The following RNASEH2A variants were observed in gnomAD, a reference collection of about 807,000 sequenced individuals.
RNASEH2A encodes ribonuclease H2 subunit A, also known as RNase H(35).
RNASEH2A carries 30 observed loss-of-function variants against 32.7 expected under a neutral mutation model. The ratio of observed to expected loss-of-function variants is 0.92; its 90% confidence interval spans 0.69 to 1.25. The LOEUF (loss-of-function observed/expected upper bound fraction) is 1.25, where lower values mean the gene tolerates loss of function less well. Ranked by LOEUF, RNASEH2A falls within the 50% of genes most tolerant of loss-of-function variation. RNASEH2A has a pLI of 0.00. For synonymous variants in RNASEH2A, 147 were observed against 165.4 expected, an observed-to-expected ratio of 0.89 and a Z score of 0.86; for missense variants, 409 against 398.1, an observed-to-expected ratio of 1.03 and a Z score of -0.23.
In RNASEH2A at chr19:12,813,080, C is replaced by T. The variant is rs780614048; in HGVS notation, c.638-3C>T. The T allele has an allele frequency of 5.0e-6, 8 of 1,613,980 alleles. No individual in the cohort carries two copies. In the African/African-American group the frequency reaches 8.0e-5, roughly 16 times the overall value. ...ACTGTCACCATTGCCCACCCTACCC[C>T]AGATCCCAAGACAAAAGCGTGGTTG... is the stretch of plus-strand genomic sequence containing the variant. On this transcript the variant is annotated splice_polypyrimidine_tract_variant and splice_region_variant and intron_variant, in intron 6 of 7. Transcript: ENST00000221486.
chr19:12,806,605 G>A lies in RNASEH2A; in HGVS notation c.-69G>A, dbSNP rs1968991813. ...AAGCAGGCGCCGCTTCGAGGCCCGC[G>A]GAAAACGCGCGCCGAGACCCGCTCC... On this transcript the variant is annotated 5_prime_UTR_variant, in exon 1 of 8. Transcript: ENST00000221486. The A allele has an allele frequency of 6.5e-6, 10 of 1,548,776 alleles. No individual in the cohort carries two copies. The highest frequency in any genetic ancestry group is 4.8e-5 in the South Asian group (4 of 84,020).
chr19:12,807,528 C>G (rs771982487), intron 4 of RNASEH2A, 22 bp downstream of exon 4: 1 of 1,594,720 alleles, frequency 6.3e-7, no homozygotes, highest in South Asian at 1.1e-5. Context: ...GTAAGTTGTC[C>G]CCATTTGGTC....
chr19:12,807,570 T>A, intron 4 of RNASEH2A, 64 bp downstream of exon 4: 1 of 1,324,314 alleles, frequency 7.6e-7, no homozygotes, highest in South Asian at 1.2e-5. Context: ...AAAACAGGAG[T>A]TCGAGACTGC....
At chr19:12,809,589 T>C (rs1227390761) in intron 4 of RNASEH2A, among the ~76,000 whole-genome samples, 19 of 152,166 alleles carry the variant, frequency 1.2e-4, no homozygotes, top group Admixed American at 1.2e-3. Flanking sequence ...ATCCTCCCAC[T>C]TCGGCTTCCT....
Position 12,807,346 on chromosome 19 carries a change from AG to A in RNASEH2A, c.323+21del. On this transcript the variant is annotated intron_variant, in intron 3 of 7. Transcript: ENST00000221486. ...GCTTGGGCGGTGAGGGGTCCCCGGG[AG>A]GGGCAGCCAGCATGGGCTGACCAAG... 6.2e-7 allele frequency: 1 copy of A among 1,614,100 alleles called. No individual in the cohort carries two copies. Among genetic ancestry groups the A allele is most frequent in the African/African-American group, 1.3e-5 (1 of 75,020 alleles).
At position 12,813,165 on chromosome 19, in the gene RNASEH2A, G is replaced by A. The variant is rs752200471; in HGVS notation, c.720G>A (p.Thr240=). 73 of 1,613,876 alleles carry A rather than the reference G, an allele frequency of 4.5e-5. 1 individual carries two copies. The highest frequency in any genetic ancestry group is 4.3e-4 in the South Asian group (39 of 91,060). ...FPQFVRFSWR[T]AQTILEKEAE... ...AGTTTGTCCGGTTCAGCTGGCGCACGGCCCAGACCATCCTGGAGAAAGAGG... is the reference window on the plus strand; with the variant it reads ...AGTTTGTCCGGTTCAGCTGGCGCACAGCCCAGACCATCCTGGAGAAAGAGG... The change falls in exon 7 of 8, where the codon ACG becomes ACA. Residue 240 remains threonine (T), a synonymous_variant. Transcript: ENST00000221486.
chr19:12,813,524 G>A lies in RNASEH2A; in HGVS notation c.*58G>A. The A allele has an allele frequency of 1.9e-6, 3 of 1,603,774 alleles. No homozygotes were observed. The highest frequency in any genetic ancestry group is 1.7e-4 in the Middle Eastern group (1 of 6,048). On this transcript the variant is annotated 3_prime_UTR_variant, in exon 8 of 8. Coordinates refer to ENST00000221486, the MANE Select transcript of RNASEH2A (RefSeq NM_006397.3). ...AACCCAGACATTAAAATTGTTTAAG[G>A]AGAACCACACGTAGGGGATGTACTT...
In RNASEH2A at chr19:12,807,291, G is replaced by A. The variant is rs374650162; in HGVS notation, c.285G>A (p.Val95=). ...ACTTTGTCGGCTGGGCGCTGGATGT[G>A]CTGTCTCCAAACCTCATCTCTACCA... The part of the protein sequence containing the change: ...DTDFVGWALD[V]LSPNLISTSM... Residue 95 remains valine, a synonymous_variant, in exon 3 of 8, where the codon GTG becomes GTA. Coordinates refer to ENST00000221486, the MANE Select transcript of RNASEH2A (RefSeq NM_006397.3). 5.6e-6 allele frequency: 9 copies of A among 1,614,176 alleles called. No homozygotes were observed. In the East Asian group the frequency reaches 1.3e-4, roughly 24 times the overall value.
At position 12,806,766 on chromosome 19, in the gene RNASEH2A, G is replaced by C. The variant is rs1968996387; in HGVS notation, c.93G>C (p.Leu31=). 6.3e-7 allele frequency: 1 copy of C among 1,576,644 alleles called. No individual in the cohort carries two copies. ...PAVCRKEPCV[L]GVDEAGRGPV... ...TGTGCCGCAAGGAGCCTTGCGTCCT[G>C]GGCGTCGATGAGGCGGGCAGGGGCC... The change falls in exon 1 of 8, where the codon CTG becomes CTC. Residue 31 remains leucine, a synonymous_variant. Transcript: ENST00000221486.
Position 12,810,084 on chromosome 19 carries a change from C to T in RNASEH2A, c.425C>T (p.Thr142Ile), listed in dbSNP as rs373008346. 5 of 1,613,964 alleles carry T rather than the reference C, an allele frequency of 3.1e-6. No individual in the cohort carries two copies. Among genetic ancestry groups the T allele is most frequent in the Non-Finnish European group, 4.2e-6 (5 of 1,180,024 alleles). ...GVNVTQVFVD[T>I]VGMPETYQAR... ...TTGCTGTGGCAGGTATTCGTGGACA[C>T]CGTAGGGATGCCAGAGACATACCAG... The change falls in exon 5 of 8, where the codon ACC (threonine) becomes ATC (isoleucine). Residue 142 changes from threonine (T) to isoleucine (I), a missense_variant. Physicochemically the swap from Thr to Ile is moderately conservative, Grantham distance 89 (BLOSUM62 -1). Coordinates refer to ENST00000221486, the MANE Select transcript of RNASEH2A (RefSeq NM_006397.3).
rs146864977 is a variant in RNASEH2A at position 12,807,700 on chromosome 19, G to C, written c.411+194G>C. On this transcript the variant is annotated intron_variant, in intron 4 of 7. Coordinates refer to ENST00000221486, the MANE Select transcript of RNASEH2A (RefSeq NM_006397.3). ...TAATCGCAGCACTTTGGGAAGCCGC[G>C]GCGGGTAGATCACCGGAGGTCAAGA... The C allele has an allele frequency of 3.1e-4, 195 of 625,956 alleles. 1 individual carries two copies. In the African/African-American group the frequency reaches 3.1e-3, roughly 10 times the overall value. 38.8% of individuals were successfully genotyped at this position (625,956 alleles called of 1,614,324 possible). A position where few individuals can be genotyped will look rare whatever the true frequency, so the allele number is the denominator to read the frequency against.
At chr19:12,809,952 A>T in intron 4 of RNASEH2A, 119 bp from the exon 5 acceptor site, 1 of 1,322,470 alleles carries the variant, frequency 7.6e-7, no homozygotes, top group Non-Finnish European at 1.1e-6. Context: ...TGATTGATCC[A>T]TCCTGGGGAC....
rs76634951 is a variant in RNASEH2A, at chr19:12,813,343, C to T, written c.777C>T (p.Ser259=). The change falls in exon 8 of 8, where the codon TCC becomes TCT. Residue 259 remains serine (S), a synonymous_variant. Transcript: ENST00000221486. ...AEDVIWEDSA[S]ENQEGLRKIT... Reference sequence around the variant, plus strand: ...TCTCCCACAGGGAGGACTCAGCATCCGAGAATCAGGAGGGACTCAGGAAGA... The same window carrying T: ...TCTCCCACAGGGAGGACTCAGCATCTGAGAATCAGGAGGGACTCAGGAAGA... The T allele has an allele frequency of 0.022, 35,281 of 1,614,052 alleles. 505 individuals are homozygous for T. Among genetic ancestry groups the T allele is most frequent in the Admixed American group, 0.077 (4,609 of 59,952 alleles).
chr19:12,809,642 T>G (rs1233551877), intron 4 of RNASEH2A, among the ~76,000 whole-genome samples: 2 of 152,170 alleles, frequency 1.3e-5, no homozygotes, highest in African/African-American at 4.8e-5. Flanking sequence ...ACTCTACCAA[T>G]TTTTTTCTAG....
intron 3 of RNASEH2A, 36 bp from the exon 4 acceptor site, chr19:12,807,383 A>C (rs1230398975): frequency 6.2e-7 from 1 of 1,614,070 alleles, no homozygotes; most frequent in Non-Finnish European, 8.5e-7. Context: ...CTTTGTTCCT[A>C]GAATGAGATT....
chr19:12,812,889 C>T (rs931497089), intron 6 of RNASEH2A, among the ~76,000 whole-genome samples, 194 bp from the exon 7 acceptor site: 11 of 152,042 alleles, frequency 7.2e-5, no homozygotes, highest in African/African-American at 2.7e-4. Context: ...CCTGTAGTCC[C>T]AGCTACTTGG....
intron 6 of RNASEH2A, among the ~76,000 whole-genome samples, chr19:12,812,878 G>A (rs1460758996): frequency 6.6e-6 from 1 of 151,980 alleles, no homozygotes; most frequent in Admixed American, 6.6e-5. Context: ...GGTGGCATGC[G>A]CCTGTAGTCC....
At chr19:12,812,699 A>G (rs886815089) in intron 6 of RNASEH2A, among the ~76,000 whole-genome samples, 10 of 151,920 alleles carry the variant, frequency 6.6e-5, no homozygotes, top group African/African-American at 2.4e-4. Context: ...GGTACTCAGG[A>G]GGAAGCCTTA....
chr19:12,807,103 G>A (rs779818498), intron 2 of RNASEH2A, 24 bp downstream of exon 2: 1 of 1,614,170 alleles, frequency 6.2e-7, no homozygotes, highest in Non-Finnish European at 8.5e-7. Flanking sequence ...GTGCGTCTGG[G>A]GAAGGGATTC....
Sources: allele counts gnomAD v4.1 joint callset (sites outside exome capture counted in the v4.1 genomes callset), GRCh38; gene constraint gnomAD v4.1.1; transcripts MANE v1.5; gene names NCBI Gene and HGNC (gene_info 2026-07-23, HGNC 2026-07-21).